SORCS3: variants seen among roughly 807,000 people sequenced by gnomAD.
The protein encoded by SORCS3 is VPS10 domain-containing receptor SorCS3.
SORCS3 carries 57 observed loss-of-function variants against 146.3 expected under a neutral mutation model. The ratio of observed to expected loss-of-function variants is 0.39; its 90% confidence interval spans 0.31 to 0.49. The LOEUF (loss-of-function observed/expected upper bound fraction) is 0.49, where lower values mean the gene tolerates loss of function less well. Among genes scored for constraint, SORCS3 ranks in the 20% least tolerant of loss-of-function variants. SORCS3 has a pLI of 0.92. For missense variants in SORCS3, 1,341 were observed against 1,575.5 expected (o/e 0.85, Z 2.52); for synonymous variants, 653 against 618.5 (o/e 1.06, Z -0.83).
intron 5 of SORCS3, among the ~76,000 whole-genome samples, chr10:105,070,349 G>A (rs926995894): frequency 1.3e-5 from 2 of 152,326 alleles, no homozygotes; most frequent in Middle Eastern, 3.4e-3. Context: ...TTACTCTAAA[G>A]CTGAGATTTT....
intron 4 of SORCS3, among the ~76,000 whole-genome samples, chr10:105,010,085 C>T (rs948127324): frequency 6.6e-6 from 1 of 152,088 alleles, no homozygotes; most frequent in African/African-American, 2.4e-5. Context: ...AGCACAGGAC[C>T]CAGGTTCAGG....
intron 3 of SORCS3, among the ~76,000 whole-genome samples, chr10:104,940,232 ATATATATTTTTT>A (rs1328132722): frequency 0.026 from 572 of 22,390 alleles, 7 homozygotes; most frequent in African/African-American, 0.095. Flanking sequence ...ATATATATAT[ATATATATTTTTT>A]TTTTTTTTTT....
At chr10:104,885,636 C>T (rs1307198715) in intron 2 of SORCS3, among the ~76,000 whole-genome samples, 3 of 152,118 alleles carry the variant, frequency 2.0e-5, no homozygotes, top group South Asian at 2.1e-4. Flanking sequence ...CAATATTTTT[C>T]GTTTTGCGTC....
intron 22 of SORCS3, among the ~76,000 whole-genome samples, chr10:105,251,451 G>T (rs1438606194): frequency 6.6e-6 from 1 of 152,036 alleles, no homozygotes; most frequent in Non-Finnish European, 1.5e-5. Flanking sequence ...TCTGAGAAAA[G>T]ACTACACCAG....
intron 1 of SORCS3, among the ~76,000 whole-genome samples, chr10:104,737,276 T>G (rs1306932761): frequency 2.0e-5 from 3 of 151,914 alleles, no homozygotes; most frequent in Admixed American, 2.0e-4. Flanking sequence ...TGATTTATAG[T>G]CCTTTGGGTA....
intron 5 of SORCS3, among the ~76,000 whole-genome samples, chr10:105,058,400 G>A (rs1410398388): frequency 1.3e-5 from 2 of 152,192 alleles, no homozygotes; most frequent in African/African-American, 2.4e-5. Flanking sequence ...TTTAACGAGT[G>A]TCATGGAAGG....
chr10:104,670,122 A>T (rs1210213721), intron 1 of SORCS3, among the ~76,000 whole-genome samples: 4 of 151,536 alleles, frequency 2.6e-5, no homozygotes, highest in African/African-American at 4.8e-5. Flanking sequence ...CTGCATACCA[A>T]CCCCTTATCA....
intron 1 of SORCS3, among the ~76,000 whole-genome samples, chr10:104,725,452 G>A (rs1024591389): frequency 9.8e-5 from 15 of 152,290 alleles, no homozygotes; most frequent in African/African-American, 2.6e-4. Flanking sequence ...CAGTCTGTCC[G>A]TTCTCAGATC....
At chr10:104,644,909 T>C (rs780730566) in intron 1 of SORCS3, among the ~76,000 whole-genome samples, 1 of 152,128 alleles carries the variant, frequency 6.6e-6, no homozygotes, top group Non-Finnish European at 1.5e-5. Flanking sequence ...GGATGCAGGG[T>C]GGGACATGAA....
At chr10:105,151,412 C>T (rs770754777) in intron 9 of SORCS3, among the ~76,000 whole-genome samples, 6 of 152,036 alleles carry the variant, frequency 3.9e-5, no homozygotes, top group Admixed American at 1.3e-4. Context: ...AGAAAATATT[C>T]GCACGTGTGA....
intron 1 of SORCS3, among the ~76,000 whole-genome samples, chr10:104,813,777 A>G (rs538874401): frequency 3.4e-4 from 52 of 152,264 alleles, no homozygotes; most frequent in South Asian, 1.2e-3. Context: ...GAAAATAGTA[A>G]CCAGGACGAT....
intron 4 of SORCS3, among the ~76,000 whole-genome samples, chr10:104,981,345 C>G (rs539380590): frequency 2.6e-4 from 39 of 152,218 alleles, no homozygotes; most frequent in African/African-American, 8.9e-4. Flanking sequence ...TTTAAAAAAG[C>G]AGTGGAAGTA....
chr10:104,995,221 A>T (rs1454180176), intron 4 of SORCS3, among the ~76,000 whole-genome samples: 1 of 142,242 alleles, frequency 7.0e-6, no homozygotes, highest in African/African-American at 2.7e-5. Context: ...GTACAGTGGC[A>T]TGATCTCAGC....
At chr10:104,932,025 G>A (rs1237047769) in intron 3 of SORCS3, among the ~76,000 whole-genome samples, 1 of 152,282 alleles carries the variant, frequency 6.6e-6, no homozygotes, top group Middle Eastern at 3.4e-3. Flanking sequence ...TAGTGTGCAC[G>A]TTAGCTCTGG....
intron 20 of SORCS3, among the ~76,000 whole-genome samples, chr10:105,238,606 A>AGAAAGAT: frequency 6.6e-6 from 1 of 152,314 alleles, no homozygotes; most frequent in East Asian, 1.9e-4. Flanking sequence ...AAGGTGAGGA[A>AGAAAGAT]GACAGATGAC....
At chr10:105,059,939 C>T (rs1408823322) in intron 5 of SORCS3, among the ~76,000 whole-genome samples, 1 of 152,186 alleles carries the variant, frequency 6.6e-6, no homozygotes, top group African/African-American at 2.4e-5. Context: ...CAGCAAAATA[C>T]ATAACTGTTG....
chr10:105,133,019 C>T (rs931364932), intron 7 of SORCS3, among the ~76,000 whole-genome samples: 1 of 152,196 alleles, frequency 6.6e-6, no homozygotes, highest in Admixed American at 6.5e-5. Flanking sequence ...CACAGGATCA[C>T]AGAGAAGCAG....
intron 13 of SORCS3, among the ~76,000 whole-genome samples, chr10:105,172,366 T>C (rs1184513028): frequency 1.3e-5 from 2 of 152,240 alleles, no homozygotes; most frequent in African/African-American, 4.8e-5. Flanking sequence ...TGAATGGTAG[T>C]GTGTACTTGG....
At chr10:105,174,367 G>T (rs2056382818) in intron 13 of SORCS3, among the ~76,000 whole-genome samples, 1 of 151,990 alleles carries the variant, frequency 6.6e-6, no homozygotes, top group African/African-American at 2.4e-5. Context: ...ATCCCTTGGG[G>T]ATACCATTCA....
Sources: allele counts gnomAD v4.1 joint callset (sites outside exome capture counted in the v4.1 genomes callset), GRCh38; gene constraint gnomAD v4.1.1; transcripts MANE v1.5; gene names NCBI Gene and HGNC (gene_info 2026-07-23, HGNC 2026-07-21).